CRYL1: variants seen among roughly 807,000 people sequenced by gnomAD.
CRYL1 encodes lambda-crystallin homolog.
CRYL1 carries 29 observed loss-of-function variants against 36.6 expected under a neutral mutation model. The ratio of observed to expected loss-of-function variants is 0.79; its 90% CI spans 0.59 to 1.08. The LOEUF is 1.08. CRYL1 is among the 50% of genes least tolerant of loss of function. The pLI is 0.00. For missense variants in CRYL1, 411 were observed against 407.9 expected, an observed-to-expected ratio of 1.01 and a Z score of -0.06; for synonymous variants, 152 against 151.5, an observed-to-expected ratio of 1.00 and a Z score of -0.02.
In CRYL1 at chr13:20,525,734, C is replaced by T. The variant is rs1418158647; in HGVS notation, c.41+20G>A. ...TCTCCCCGGGCTCCAGGGGCAGCAG[C>T]GCGGCTCGGAGCCCTTTACCTGCCA... On this transcript the variant is annotated intron_variant, in intron 1 of 7. Transcript: ENST00000298248. The surrounding 1 kb of genome is among the most constrained non-coding windows in gnomAD (Gnocchi z 4.3). 2 of 1,349,528 alleles carry T rather than the reference C, an allele frequency of 1.5e-6. No individual in the cohort carries two copies. Among genetic ancestry groups the T allele is most frequent in the Non-Finnish European group, 1.9e-6 (2 of 1,046,114 alleles). 83.6% of individuals were successfully genotyped at this position (1,349,528 alleles called of 1,614,324 possible).
intron 2 of CRYL1, among the ~76,000 whole-genome samples, chr13:20,511,249 T>G (rs1046326477): frequency 1.3e-5 from 2 of 151,962 alleles, no homozygotes; most frequent in African/African-American, 2.4e-5. Flanking sequence ...GCCAACACAT[T>G]GGCTATTTTT....
Position 20,525,707 on chromosome 13 carries a change from C to A in CRYL1, c.41+47G>T, listed in dbSNP as rs1345960773. ...CCACGCGAGGGCACCACGTCCCCGG[C>A]GTCTCCCCGGGCTCCAGGGGCAGCA... On this transcript the variant is annotated intron_variant, in intron 1 of 7. Coordinates refer to ENST00000298248, the MANE Select transcript of CRYL1 (RefSeq NM_015974.3). This position sits in a 1 kb window ranked among gnomAD's most constrained non-coding sequence, Gnocchi z 4.3. The A allele has an allele frequency of 7.6e-7, 1 of 1,324,162 alleles. No individual in the cohort carries two copies. The highest frequency in any genetic ancestry group is 3.2e-5 in the East Asian group (1 of 31,230). 82.0% of individuals were successfully genotyped at this position (1,324,162 alleles called of 1,614,324 possible). A position where few individuals can be genotyped will look rare whatever the true frequency, so the allele number is the denominator to read the frequency against.
rs9552207 is a variant in CRYL1 at position 20,492,941 on chromosome 13, A to G, written c.150-3445T>C. Among the ~76,000 whole-genome samples, 31,513 of 152,124 alleles carry G rather than the reference A, an allele frequency of 0.21. 3,455 individuals are homozygous for G. The highest frequency in any genetic ancestry group is 0.3 in the East Asian group (1,552 of 5,154). ...GATTGCTCTATGGTTATAAATTCTCAGAGAAACTCTTCCTCCCCTCCACTC... is the reference window on the plus strand; with the variant it reads ...GATTGCTCTATGGTTATAAATTCTCGGAGAAACTCTTCCTCCCCTCCACTC... On this transcript the variant is annotated intron_variant, in intron 2 of 7. Coordinates refer to ENST00000298248, the MANE Select transcript of CRYL1 (RefSeq NM_015974.3).
intron 3 of CRYL1, among the ~76,000 whole-genome samples, chr13:20,483,417 C>G (rs1199079741): frequency 2.6e-5 from 4 of 152,094 alleles, no homozygotes; most frequent in Admixed American, 6.5e-5. Context: ...GCAAGCTCCG[C>G]CTCCTGGGTT....
intron 1 of CRYL1, among the ~76,000 whole-genome samples, chr13:20,518,821 C>G (rs2034046112): frequency 6.6e-6 from 1 of 151,962 alleles, no homozygotes; most frequent in Non-Finnish European, 1.5e-5. Flanking sequence ...CACAGTACAG[C>G]CAAGAAGAAT....
At chr13:20,516,533 G>T (rs980256854) in intron 1 of CRYL1, among the ~76,000 whole-genome samples, 5 of 152,016 alleles carry the variant, frequency 3.3e-5, no homozygotes, top group African/African-American at 1.2e-4. Context: ...AGGCTGGAGT[G>T]CTGTGGGGGT....
At chr13:20,417,864 C>T (rs868643345) in intron 5 of CRYL1, among the ~76,000 whole-genome samples, 6 of 152,132 alleles carry the variant, frequency 3.9e-5, no homozygotes, top group Middle Eastern at 3.2e-3. Flanking sequence ...AATGTTAAGT[C>T]GAATGAAAGG....
chr13:20,423,722 C>T (rs2031869084), intron 5 of CRYL1, among the ~76,000 whole-genome samples: 1 of 148,404 alleles, frequency 6.7e-6, no homozygotes, highest in Admixed American at 6.7e-5. Flanking sequence ...GAGGCTCTCT[C>T]GGTGGACACT....
chr13:20,490,510 G>A (rs921579942), intron 2 of CRYL1, among the ~76,000 whole-genome samples: 2 of 152,184 alleles, frequency 1.3e-5, no homozygotes, highest in African/African-American at 2.4e-5. Flanking sequence ...ATGAAAACAT[G>A]CTGGAGATGA....
At chr13:20,417,357 T>C (rs771014894) in intron 5 of CRYL1, among the ~76,000 whole-genome samples, 4 of 152,146 alleles carry the variant, frequency 2.6e-5, no homozygotes, top group Non-Finnish European at 5.9e-5. Context: ...AGTGCTTGTG[T>C]TGAAACAGGG....
chr13:20,477,088 G>A (rs192206330), intron 3 of CRYL1: 2 of 152,380 alleles, frequency 1.3e-5, no homozygotes, highest in South Asian at 2.1e-4. Context: ...ATGAACCCGG[G>A]AGGCAGAGCT....
intron 4 of CRYL1, 143 bp downstream of exon 4, chr13:20,439,450 T>C (rs1175993388): frequency 1.5e-6 from 1 of 672,488 alleles, no homozygotes; most frequent in Admixed American, 3.1e-5. Context: ...AAGTGAATTA[T>C]ATCTCAATAA....
intron 3 of CRYL1, among the ~76,000 whole-genome samples, chr13:20,447,174 C>A (rs1221636039): frequency 6.6e-6 from 1 of 152,152 alleles, no homozygotes; most frequent in Non-Finnish European, 1.5e-5. Flanking sequence ...TCTTAAAGTT[C>A]AAATGTCCAC....
intron 2 of CRYL1, among the ~76,000 whole-genome samples, chr13:20,511,129 G>A (rs2033909720): frequency 6.6e-6 from 1 of 152,050 alleles, no homozygotes; most frequent in Admixed American, 6.6e-5. Context: ...CTGCTGCCCA[G>A]GCTGGAGTAC....
At chr13:20,464,385 T>C (rs757628707) in intron 3 of CRYL1, among the ~76,000 whole-genome samples, 3 of 152,136 alleles carry the variant, frequency 2.0e-5, no homozygotes, top group Non-Finnish European at 4.4e-5. Context: ...TAGAGTGAGA[T>C]TCTATCTCCA....
intron 2 of CRYL1, among the ~76,000 whole-genome samples, chr13:20,507,730 A>G (rs146548298): frequency 0.014 from 2,175 of 152,170 alleles, 34 homozygotes; most frequent in Non-Finnish European, 0.025. Context: ...CATCCTGGCT[A>G]ACACAGTGAA....
chr13:20,485,921 G>GTTTGTTTT (rs2033389126), intron 3 of CRYL1, among the ~76,000 whole-genome samples: 2 of 151,252 alleles, frequency 1.3e-5, no homozygotes, highest in Admixed American at 6.6e-5. Flanking sequence ...TATTTTGTTT[G>GTTTGTTTT]TTTGTTTGTT....
intron 5 of CRYL1, chr13:20,430,684 C>T (rs964197103): frequency 4.5e-5 from 44 of 985,268 alleles, no homozygotes; most frequent in Non-Finnish European, 4.9e-5. Flanking sequence ...TGAGTGGGCT[C>T]ACACCTTTCA....
chr13:20,523,967 G>A (rs2137527604), intron 1 of CRYL1, among the ~76,000 whole-genome samples: 1 of 152,240 alleles, frequency 6.6e-6, no homozygotes, highest in South Asian at 2.1e-4. Context: ...AGGCATGATG[G>A]ACCTATACAA....
Sources: allele counts gnomAD v4.1 joint callset (sites outside exome capture counted in the v4.1 genomes callset), GRCh38; gene constraint gnomAD v4.1.1; non-coding constraint Gnocchi (gnomAD v3.1); transcripts MANE v1.5; gene names NCBI Gene and HGNC (gene_info 2026-07-23, HGNC 2026-07-21).